Variants in ZNF367 observed in about 807,000 individuals in gnomAD.
ZNF367 encodes the protein C2H2 zinc finger protein ZFF29.
In ZNF367, 11 loss-of-function variants were observed where a neutral mutation model predicts 31.8. That is an observed-to-expected ratio of 0.35 (90% CI 0.22 to 0.57). ZNF367 has a LOEUF of 0.57. ZNF367 is among the 20% of genes least tolerant of loss of function. The pLI is 0.85. For synonymous variants in ZNF367, 199 were observed against 202.4 expected (o/e 0.98, Z 0.14); for missense variants, 353 against 484.1 (o/e 0.73, Z 2.54).
chr9:96,411,719 T>C (rs548023513), intron 1 of ZNF367, among the ~76,000 whole-genome samples: 37 of 152,332 alleles, frequency 2.4e-4, no homozygotes, highest in African/African-American at 8.7e-4. Context: ...GCAACACATT[T>C]ATATTTTCCA....
intron 1 of ZNF367, among the ~76,000 whole-genome samples, chr9:96,415,479 ATTTTTTTTTTTTTTTTTTTTT>A (rs56349404): frequency 4.5e-4 from 17 of 37,756 alleles, no homozygotes; most frequent in South Asian, 9.3e-4. Context: ...TAGTTTCTTC[ATTTTTTTTTTTTTTTTTTTTT>A]TTTTTTTTTT....
intron 2 of ZNF367, among the ~76,000 whole-genome samples, chr9:96,395,481 C>T (rs996027560): frequency 2.0e-5 from 3 of 152,148 alleles, no homozygotes; most frequent in South Asian, 4.1e-4. Context: ...CCTCTAAGAT[C>T]GGCACTCTAG....
At chr9:96,415,651 C>G (rs1831815845) in intron 1 of ZNF367, among the ~76,000 whole-genome samples, 1 of 151,542 alleles carries the variant, frequency 6.6e-6, no homozygotes, top group African/African-American at 2.4e-5. Context: ...GCGCCCGCCA[C>G]CACGTCCGGC....
intron 2 of ZNF367, among the ~76,000 whole-genome samples, chr9:96,396,670 ATT>A (rs548307000): frequency 3.5e-5 from 5 of 144,690 alleles, no homozygotes; most frequent in Admixed American, 7.0e-5. Flanking sequence ...GGTGAAATAA[ATT>A]TTTTTTTTTT....
intron 1 of ZNF367, among the ~76,000 whole-genome samples, chr9:96,413,876 T>TA (rs1735639416): frequency 6.6e-6 from 1 of 152,088 alleles, no homozygotes; most frequent in Admixed American, 6.6e-5. Flanking sequence ...GAATAGACAG[T>TA]AAATGAACGC....
chr9:96,393,440 G>A (rs1831495449), intron 3 of ZNF367, among the ~76,000 whole-genome samples: 1 of 152,090 alleles, frequency 6.6e-6, no homozygotes, highest in Non-Finnish European at 1.5e-5. Flanking sequence ...AGAATTGCTT[G>A]AACTCAGGAG....
In ZNF367 at chr9:96,418,229, A is replaced by G; in HGVS notation, c.-197T>C. On this transcript the variant is annotated 5_prime_UTR_variant, in exon 1 of 5. Transcript: ENST00000375256. ...GCGGGCAGGGCTGGACCCCAGCCCC[A>G]GGTCAAGCGCGCCCTCCGCTCTTTG... 1.3e-6 allele frequency: 1 copy of G among 764,652 alleles called. No homozygotes were observed. Among genetic ancestry groups the G allele is most frequent in the Non-Finnish European group, 1.8e-6 (1 of 559,778 alleles). 47.4% of individuals were successfully genotyped at this position (764,652 alleles called of 1,614,324 possible). A position where few individuals can be genotyped will look rare whatever the true frequency, so the allele number is the denominator to read the frequency against.
rs574424168 is a variant in ZNF367 at position 96,417,506 on chromosome 9, G to T, written c.420+107C>A. Reference sequence around the variant, plus strand: ...CAGCATCCTGTCAGCCGCAGCCCCCGCCGTAGCCGGATCGACCTCGCGTTT... The same window carrying T: ...CAGCATCCTGTCAGCCGCAGCCCCCTCCGTAGCCGGATCGACCTCGCGTTT... On this transcript the variant is annotated intron_variant, in intron 1 of 4. Coordinates refer to ENST00000375256, the MANE Select transcript of ZNF367 (RefSeq NM_153695.4). The surrounding 1 kb of genome is among the most constrained non-coding windows in gnomAD (Gnocchi z 5.0). 23 of 249,350 alleles carry T rather than the reference G, an allele frequency of 9.2e-5. No individual in the cohort carries two copies. Among genetic ancestry groups the T allele is most frequent in the African/African-American group, 5.1e-4 (22 of 43,286 alleles). 15.4% of individuals were successfully genotyped at this position (249,350 alleles called of 1,614,324 possible). A position where few individuals can be genotyped will look rare whatever the true frequency, so the allele number is the denominator to read the frequency against.
At chr9:96,413,399 G>A (rs1243694141) in intron 1 of ZNF367, among the ~76,000 whole-genome samples, 1 of 152,158 alleles carries the variant, frequency 6.6e-6, no homozygotes, top group Admixed American at 6.6e-5. Context: ...TATGTATTAT[G>A]TATAAAGTAT....
chr9:96,398,113 A>G, intron 2 of ZNF367, 51 bp downstream of exon 2: 1 of 1,005,872 alleles, frequency 9.9e-7, no homozygotes, highest in Non-Finnish European at 1.4e-6. Context: ...AAAAAAAAAA[A>G]AAAAAAAAAG....
intron 1 of ZNF367, among the ~76,000 whole-genome samples, chr9:96,398,914 C>T (rs1831566178): frequency 6.6e-6 from 1 of 152,170 alleles, no homozygotes; most frequent in Admixed American, 6.5e-5. Context: ...TTGGTCTTTG[C>T]TTTCCCTAAC....
rs1276548216 is a variant in ZNF367, at chr9:96,418,362, C to A, written c.-330G>T. 2.2e-5 allele frequency: 7 copies of A among 316,912 alleles called. No individual in the cohort carries two copies. Among genetic ancestry groups the A allele is most frequent in the Non-Finnish European group, 4.0e-5 (7 of 174,248 alleles). 19.6% of individuals were successfully genotyped at this position (316,912 alleles called of 1,614,324 possible). A position where few individuals can be genotyped will look rare whatever the true frequency, so the allele number is the denominator to read the frequency against. Reference sequence around the variant, plus strand: ...TGAGCCCCCAAAAATAACAACCTGCCGCCGCGGTGCCTGCCCCGGCTTTTC... The same window carrying A: ...TGAGCCCCCAAAAATAACAACCTGCAGCCGCGGTGCCTGCCCCGGCTTTTC... On this transcript the variant is annotated 5_prime_UTR_variant, in exon 1 of 5. Transcript: ENST00000375256.
At chr9:96,395,176 A>T (rs893390375) in intron 2 of ZNF367, among the ~76,000 whole-genome samples, 47 of 152,148 alleles carry the variant, frequency 3.1e-4, no homozygotes, top group African/African-American at 1.1e-3. Context: ...TCTTGAGCTT[A>T]TCCCATATTT....
intron 1 of ZNF367, among the ~76,000 whole-genome samples, chr9:96,414,194 T>C (rs1248474567): frequency 6.6e-6 from 1 of 152,228 alleles, no homozygotes; most frequent in Non-Finnish European, 1.5e-5. Flanking sequence ...CTAGCAACTT[T>C]CTTAAATAAA....
chr9:96,412,748 T>G (rs1303566554), intron 1 of ZNF367, among the ~76,000 whole-genome samples: 2 of 149,208 alleles, frequency 1.3e-5, no homozygotes, highest in Non-Finnish European at 3.0e-5. Context: ...CAGGCTGGAG[T>G]GCAGTGGCAC....
chr9:96,416,181 G>A (rs1361831527), intron 1 of ZNF367, among the ~76,000 whole-genome samples: 6 of 142,198 alleles, frequency 4.2e-5, no homozygotes, highest in Non-Finnish European at 6.0e-5. Context: ...TCCGCCTCCC[G>A]CTTCACGCCA....
intron 1 of ZNF367, among the ~76,000 whole-genome samples, chr9:96,415,179 C>T (rs528493756): frequency 2.0e-5 from 3 of 151,246 alleles, no homozygotes; most frequent in African/African-American, 7.3e-5. Context: ...CTCAGCCTCC[C>T]GAGCAGGTGG....
intron 4 of ZNF367, among the ~76,000 whole-genome samples, chr9:96,391,930 C>T (rs912153384): frequency 6.6e-6 from 1 of 152,130 alleles, no homozygotes; most frequent in Non-Finnish European, 1.5e-5. Flanking sequence ...AGGCACGTGC[C>T]ACTACTGCCC....
In ZNF367 at chr9:96,387,894, G is replaced by GT; in HGVS notation, c.*342dup. ...CTTCTTTGGCTATTTGTACCATTCT[G>GT]TTTTTCAAACAAGTGTCTTATTCAG... On this transcript the variant is annotated 3_prime_UTR_variant, in exon 5 of 5. Coordinates refer to ENST00000375256, the MANE Select transcript of ZNF367 (RefSeq NM_153695.4). 1 of 235,058 alleles carries GT rather than the reference G, an allele frequency of 4.3e-6. No individual in the cohort carries two copies. Among genetic ancestry groups the GT allele is most frequent in the Non-Finnish European group, 8.2e-6 (1 of 122,594 alleles). The allele number at this position is 235,058 out of a possible 1,614,324, so 14.6% of individuals were successfully genotyped here. A position where few individuals can be genotyped will look rare whatever the true frequency, so the allele number is the denominator to read the frequency against.
Sources: allele counts gnomAD v4.1 joint callset (sites outside exome capture counted in the v4.1 genomes callset), GRCh38; gene constraint gnomAD v4.1.1; non-coding constraint Gnocchi (gnomAD v3.1); transcripts MANE v1.5; gene names NCBI Gene and HGNC (gene_info 2026-07-23, HGNC 2026-07-21).